The following TSEN15 variants were observed in gnomAD, a reference collection of about 807,000 sequenced individuals.
The protein encoded by TSEN15 is tRNA splicing endonuclease subunit 15.
In TSEN15, 10 loss-of-function variants were observed where a neutral mutation model predicts 20.5. The observed-to-expected ratio is 0.49, with a 90% CI of 0.30 to 0.83. TSEN15 has a LOEUF of 0.83. TSEN15 is among the 40% of genes least tolerant of loss of function. The probability of loss-of-function intolerance (pLI) is 0.06; values close to 1 mark genes in which losing one functional copy is unlikely to be tolerated. For synonymous variants in TSEN15, 72 were observed against 80.1 expected (o/e 0.90, Z 0.54); for missense variants, 180 against 218.6 (o/e 0.82, Z 1.11).
chr1:184,055,707 AG>A (rs1253710392), intron 3 of TSEN15, among the ~76,000 whole-genome samples: 1 of 152,162 alleles, frequency 6.6e-6, no homozygotes, highest in Non-Finnish European at 1.5e-5. Context: ...TAAAAAGCTT[AG>A]GTACACAGCA....
At chr1:184,060,568 A>G (rs1038013105) in intron 3 of TSEN15, among the ~76,000 whole-genome samples, 1 of 152,254 alleles carries the variant, frequency 6.6e-6, no homozygotes, top group Non-Finnish European at 1.5e-5. Context: ...AATACTTTGC[A>G]TTTGCAGAGA....
chr1:184,089,995 G>T (rs1250257054), intron 3 of TSEN15, among the ~76,000 whole-genome samples: 4 of 152,196 alleles, frequency 2.6e-5, no homozygotes, highest in Non-Finnish European at 1.5e-5. Flanking sequence ...AAAAGGTCAT[G>T]CATAATGTCC....
intron 3 of TSEN15, among the ~76,000 whole-genome samples, chr1:184,080,432 A>G (rs1651144714): frequency 1.3e-5 from 2 of 152,158 alleles, no homozygotes; most frequent in African/African-American, 2.4e-5. Context: ...TCAGAATATT[A>G]TGTTGCCTTT....
chr1:184,055,011 G>T, intron 3 of TSEN15, 148 bp downstream of exon 3: 1 of 846,452 alleles, frequency 1.2e-6, no homozygotes, highest in Non-Finnish European at 1.8e-6. Flanking sequence ...AAATATGAGT[G>T]TTGTATTCGG....
Position 184,086,483 on chromosome 1 carries a change from G to T in TSEN15, c.354-9207G>T, listed in dbSNP as rs191859997. On this transcript the variant is annotated intron_variant, in intron 3 of 3. Coordinates refer to the TSEN15 transcript ENST00000643231. Reference sequence around the variant, plus strand: ...GCTACTTAAAACAATAGTTTTTGTGGTTCAGAAATTTGGGAGCAGCTTTTT... The same window carrying T: ...GCTACTTAAAACAATAGTTTTTGTGTTTCAGAAATTTGGGAGCAGCTTTTT... 1.3e-3 allele frequency among the ~76,000 whole-genome samples: 200 copies of T among 152,288 alleles called. 1 individual carries two copies. Among genetic ancestry groups the T allele is most frequent in the African/African-American group, 4.6e-3 (193 of 41,568 alleles).
intron 3 of TSEN15, among the ~76,000 whole-genome samples, chr1:184,058,596 C>A (rs1030378647): frequency 4.6e-5 from 7 of 151,684 alleles, no homozygotes; most frequent in African/African-American, 1.7e-4. Context: ...AACAGTAATG[C>A]TGCAATTCCA....
At chr1:184,083,630 T>G (rs1179224221) in intron 3 of TSEN15, among the ~76,000 whole-genome samples, 5 of 152,148 alleles carry the variant, frequency 3.3e-5, no homozygotes, top group Admixed American at 1.3e-4. Flanking sequence ...GGTGAAAAAT[T>G]GGTCATCTCT....
At chr1:184,084,302 C>T (rs1651220217) in intron 3 of TSEN15, among the ~76,000 whole-genome samples, 1 of 151,890 alleles carries the variant, frequency 6.6e-6, no homozygotes, top group Non-Finnish European at 1.5e-5. Flanking sequence ...AGCCAGTCCT[C>T]CAAGGAGTAG....
At chr1:184,060,418 G>C (rs969317847) in intron 3 of TSEN15, among the ~76,000 whole-genome samples, 1 of 152,260 alleles carries the variant, frequency 6.6e-6, no homozygotes, top group African/African-American at 2.4e-5. Flanking sequence ...ATCTGTACAT[G>C]ATGCCCTGCC....
chr1:184,062,761 T>C (rs879389845), intron 3 of TSEN15, among the ~76,000 whole-genome samples: 4 of 151,878 alleles, frequency 2.6e-5, no homozygotes, highest in East Asian at 3.8e-4. Flanking sequence ...TGTTTTTTTT[T>C]CCCCCTCATA....
chr1:184,077,411 G>A (rs1651084333), downstream of TSEN15, among the ~76,000 whole-genome samples: 1 of 152,094 alleles, frequency 6.6e-6, no homozygotes, highest in African/African-American at 2.4e-5. Context: ...AATGCACCTG[G>A]TCACCCAAGA....
At chr1:184,094,110 C>T (rs987606480) in intron 3 of TSEN15, 2 of 152,092 alleles carry the variant, frequency 1.3e-5, no homozygotes, top group African/African-American at 2.4e-5. Context: ...TCATGCCCCC[C>T]CTCCGAATCT....
chr1:184,075,911 T>TATA (rs71297848), downstream of TSEN15, among the ~76,000 whole-genome samples: 1,967 of 102,716 alleles, frequency 0.019, 41 homozygotes, highest in African/African-American at 0.061. Context: ...TATATATATA[T>TATA]TTTTTTTTTT....
intron 3 of TSEN15, chr1:184,071,048 A>G (rs2102893893): frequency 6.5e-6 from 1 of 153,278 alleles, no homozygotes; most frequent in East Asian, 1.9e-4. Context: ...TATATACTAC[A>G]TAATATGACC....
intron 3 of TSEN15, among the ~76,000 whole-genome samples, chr1:184,056,137 T>C (rs2102879147): frequency 6.6e-6 from 1 of 152,338 alleles, no homozygotes; most frequent in East Asian, 1.9e-4. Flanking sequence ...GTGTTGCTAA[T>C]GTTTAACTTT....
downstream of TSEN15, among the ~76,000 whole-genome samples, chr1:184,078,989 T>C (rs535587897): frequency 2.3e-4 from 35 of 152,278 alleles, no homozygotes; most frequent in Non-Finnish European, 3.4e-4. Context: ...AGTTCTTCTA[T>C]ACAGAAGCTC....
intron 3 of TSEN15, among the ~76,000 whole-genome samples, chr1:184,087,532 G>T (rs920144868): frequency 9.2e-5 from 14 of 152,196 alleles, no homozygotes; most frequent in African/African-American, 3.1e-4. Context: ...CAGACTCCTG[G>T]TTTAGAAGTC....
chr1:184,083,389 A>G (rs114204308), intron 3 of TSEN15, among the ~76,000 whole-genome samples: 2,680 of 152,330 alleles, frequency 0.018, 76 homozygotes, highest in African/African-American at 0.06. Context: ...ATTTATAAAC[A>G]AAATATATCT....
chr1:184,059,164 G>A (rs1650356091), intron 3 of TSEN15, among the ~76,000 whole-genome samples: 1 of 151,756 alleles, frequency 6.6e-6, no homozygotes, highest in Admixed American at 6.6e-5. Context: ...TGAATAACAA[G>A]TATTATGGAG....
Sources: allele counts gnomAD v4.1 joint callset (sites outside exome capture counted in the v4.1 genomes callset), GRCh38; gene constraint gnomAD v4.1.1; transcripts MANE v1.5; gene names NCBI Gene and HGNC (gene_info 2026-07-23, HGNC 2026-07-21).